The following HS3ST4 variants were observed in gnomAD, a reference collection of about 807,000 sequenced individuals.
The protein encoded by HS3ST4 is heparan sulfate glucosamine 3-O-sulfotransferase 4.
HS3ST4 carries 17 observed loss-of-function variants against 29.2 expected under a neutral mutation model. The ratio of observed to expected loss-of-function variants is 0.58; its 90% CI spans 0.40 to 0.87. The LOEUF (loss-of-function observed/expected upper bound fraction) is 0.87, where lower values mean the gene tolerates loss of function less well. Ranked by LOEUF, HS3ST4 falls within the 40% of genes least tolerant of loss-of-function variation. The pLI is 0.00. For synonymous variants in HS3ST4, 314 were observed against 285.7 expected (o/e 1.10, Z -1.00); for missense variants, 627 against 634.5 (o/e 0.99, Z 0.13).
chr16:25,755,998 C>T (rs1966755332), intron 1 of HS3ST4, among the ~76,000 whole-genome samples: 1 of 152,008 alleles, frequency 6.6e-6, no homozygotes, highest in East Asian at 1.9e-4. Flanking sequence ...GATTCAAGAA[C>T]AGTAAAAGAG....
intron 1 of HS3ST4, among the ~76,000 whole-genome samples, chr16:26,093,226 A>G (rs1205538812): frequency 6.6e-6 from 1 of 152,206 alleles, no homozygotes; most frequent in Non-Finnish European, 1.5e-5. Context: ...ACAGCTCTGA[A>G]GAGAGCAGTG....
At chr16:25,919,004 T>C (rs566954996) in intron 1 of HS3ST4, among the ~76,000 whole-genome samples, 4 of 152,288 alleles carry the variant, frequency 2.6e-5, no homozygotes, top group South Asian at 4.1e-4. Context: ...TTCTTGGCTG[T>C]TAAAGGTTGG....
chr16:26,062,949 A>G (rs983077838), intron 1 of HS3ST4: 31 of 207,624 alleles, frequency 1.5e-4, no homozygotes, highest in Non-Finnish European at 2.8e-4. Flanking sequence ...CCTTCACTTT[A>G]GAGCCCAATC....
At chr16:25,904,494 CTCT>C (rs1464016563) in intron 1 of HS3ST4, among the ~76,000 whole-genome samples, 1 of 152,126 alleles carries the variant, frequency 6.6e-6, no homozygotes, top group Admixed American at 6.6e-5. Context: ...AAGCATAAAT[CTCT>C]TCTTTAGTTT....
intron 1 of HS3ST4, among the ~76,000 whole-genome samples, chr16:25,956,489 G>A (rs1334805813): frequency 6.6e-6 from 1 of 151,980 alleles, no homozygotes; most frequent in Non-Finnish European, 1.5e-5. Flanking sequence ...AGAAATCTAG[G>A]GCATCCAAAT....
At chr16:26,121,423 T>C (rs1242777813) in intron 1 of HS3ST4, among the ~76,000 whole-genome samples, 1 of 152,228 alleles carries the variant, frequency 6.6e-6, no homozygotes, top group African/African-American at 2.4e-5. Context: ...GGAAGTCATC[T>C]TCTGAAAGAG....
intron 1 of HS3ST4, among the ~76,000 whole-genome samples, chr16:25,824,371 C>A (rs926232680): frequency 6.6e-6 from 1 of 152,142 alleles, no homozygotes; most frequent in Non-Finnish European, 1.5e-5. Flanking sequence ...AAGACATACC[C>A]GAGACTGGGT....
At chr16:25,799,802 TTCTG>T (rs147665879) in intron 1 of HS3ST4, among the ~76,000 whole-genome samples, 7,048 of 152,248 alleles carry the variant, frequency 0.046, 508 homozygotes, top group African/African-American at 0.16. Flanking sequence ...ATGTTGATAG[TTCTG>T]TCTGTCTGTC....
intron 1 of HS3ST4, among the ~76,000 whole-genome samples, chr16:26,113,896 G>C (rs1596686088): frequency 6.6e-6 from 1 of 152,218 alleles, no homozygotes; most frequent in South Asian, 2.1e-4. Flanking sequence ...TCATGTTCAT[G>C]TATGTATATA....
chr16:25,903,273 C>CGTGTGTGTGTGTGTGTGTGTGT (rs71385584), intron 1 of HS3ST4, among the ~76,000 whole-genome samples: 1 of 58,400 alleles, frequency 1.7e-5, no homozygotes, highest in African/African-American at 5.5e-5. Flanking sequence ...GAAGAATATA[C>CGTGTGTGTGTGTGTGTGTGTGT]GTGTGTGTGT....
chr16:25,949,360 A>G (rs1374029442), intron 1 of HS3ST4, among the ~76,000 whole-genome samples: 2 of 152,118 alleles, frequency 1.3e-5, no homozygotes, highest in East Asian at 3.9e-4. Context: ...TTACCTCCAC[A>G]ACAGCTCCAC....
chr16:26,065,701 T>G (rs1283701503), intron 1 of HS3ST4, among the ~76,000 whole-genome samples: 1 of 152,028 alleles, frequency 6.6e-6, no homozygotes, highest in Non-Finnish European at 1.5e-5. Flanking sequence ...CACCACAAAG[T>G]AAGAGATAAA....
At chr16:25,838,910 T>A (rs771386512) in intron 1 of HS3ST4, among the ~76,000 whole-genome samples, 7 of 152,126 alleles carry the variant, frequency 4.6e-5, no homozygotes, top group Non-Finnish European at 1.0e-4. Flanking sequence ...TGCCACTAGG[T>A]GTCACTGTTC....
In HS3ST4 at chr16:26,023,265, A is replaced by T. The variant is rs143597097; in HGVS notation, c.735-112347A>T. Among the ~76,000 whole-genome samples, 463 of 152,156 alleles carry T rather than the reference A, an allele frequency of 3.0e-3. 3 individuals carry two copies. Among genetic ancestry groups the T allele is most frequent in the African/African-American group, 0.01 (434 of 41,550 alleles). On this transcript the variant is annotated intron_variant, in intron 1 of 1. Coordinates refer to ENST00000331351, the MANE Select transcript of HS3ST4 (RefSeq NM_006040.3). ...ACTATTTTTATCTGTAGGTATAAGT[A>T]TGGTGACTATATATACATAAATATA...
chr16:25,917,679 C>CA lies in HS3ST4; in HGVS notation c.735-217932dup, dbSNP rs1269671418. 2.0e-5 allele frequency among the ~76,000 whole-genome samples: 3 copies of CA among 152,160 alleles called. No individual in the cohort carries two copies. The East Asian group carries it at 5.8e-4, about 29-fold the overall frequency. On this transcript the variant is annotated intron_variant, in intron 1 of 1. Transcript: ENST00000331351. ...AGTATCCTTACACTGATCTCACTGA[C>CA]AGACAAGTCGCATGCCTCTCCTCCC...
intron 1 of HS3ST4, among the ~76,000 whole-genome samples, chr16:25,797,793 A>G (rs575226698): frequency 2.0e-5 from 3 of 152,174 alleles, no homozygotes; most frequent in Non-Finnish European, 4.4e-5. Flanking sequence ...ACTCTTGGAA[A>G]TTGGCATTAC....
intron 1 of HS3ST4, among the ~76,000 whole-genome samples, chr16:25,760,716 G>C (rs543131022): frequency 6.6e-6 from 1 of 152,198 alleles, no homozygotes; most frequent in East Asian, 1.9e-4. Context: ...ACAGCACCGG[G>C]CTCTAATTAC....
chr16:25,875,908 C>T (rs1967827322), intron 1 of HS3ST4, among the ~76,000 whole-genome samples: 1 of 152,110 alleles, frequency 6.6e-6, no homozygotes, highest in Non-Finnish European at 1.5e-5. Flanking sequence ...GATAAAATGC[C>T]CAACAATAGG....
chr16:25,985,436 C>T (rs988745345), intron 1 of HS3ST4, among the ~76,000 whole-genome samples: 13 of 152,100 alleles, frequency 8.5e-5, no homozygotes, highest in Non-Finnish European at 2.9e-5. Context: ...AGATGCAAAG[C>T]AGCTTGCTTG....
Sources: gnomAD v4.1 joint callset for allele counts (sites outside exome capture counted in the v4.1 genomes callset) on GRCh38, gnomAD v4.1.1 for gene constraint, MANE v1.5 for transcripts, NCBI Gene and HGNC (gene_info 2026-07-23, HGNC 2026-07-21) for gene names.